Variants in MACROD2 observed in about 807,000 individuals in gnomAD.
MACROD2 encodes the protein mono-ADP ribosylhydrolase 2, also known as ADP-ribose glycohydrolase MACROD2.
MACROD2 carries 36 observed loss-of-function variants against 70.4 expected under a neutral mutation model. The ratio of observed to expected loss-of-function variants is 0.51; its 90% CI spans 0.39 to 0.68. The LOEUF (loss-of-function observed/expected upper bound fraction) is 0.68. Among genes scored for constraint, MACROD2 ranks in the 30% least tolerant of loss-of-function variants. The pLI is 0.00. For missense variants in MACROD2, 496 were observed against 538.4 expected, an observed-to-expected ratio of 0.92 and a Z score of 0.78; for synonymous variants, 172 against 178.8, an observed-to-expected ratio of 0.96 and a Z score of 0.30.
chr20:14,445,581 T>A (rs1265395290), intron 3 of MACROD2, among the ~76,000 whole-genome samples: 1 of 152,118 alleles, frequency 6.6e-6, no homozygotes, highest in Non-Finnish European at 1.5e-5. Flanking sequence ...TTGTTTATCA[T>A]ACAGTGTAAA....
chr20:14,398,559 T>C (rs569741814), intron 3 of MACROD2, among the ~76,000 whole-genome samples: 1 of 152,288 alleles, frequency 6.6e-6, no homozygotes, highest in South Asian at 2.1e-4. Flanking sequence ...CATTTGTATG[T>C]CTTCTTTTGG....
chr20:14,587,389 A>G (rs1017275092), intron 4 of MACROD2, among the ~76,000 whole-genome samples: 8 of 151,714 alleles, frequency 5.3e-5, no homozygotes, highest in African/African-American at 1.7e-4. Flanking sequence ...CAATTTTTCA[A>G]TGAATTAATT....
At chr20:14,320,849 T>G (rs1006830211) in intron 3 of MACROD2, among the ~76,000 whole-genome samples, 1 of 152,106 alleles carries the variant, frequency 6.6e-6, no homozygotes, top group Non-Finnish European at 1.5e-5. Flanking sequence ...TTCTCGATAA[T>G]TTTGGTCACA....
At chr20:15,090,473 G>T (rs184255612) in intron 5 of MACROD2, among the ~76,000 whole-genome samples, 40 of 152,140 alleles carry the variant, frequency 2.6e-4, no homozygotes, top group African/African-American at 8.9e-4. Flanking sequence ...AGAACAAAAG[G>T]TACACTACAA....
intron 4 of MACROD2, among the ~76,000 whole-genome samples, chr20:14,504,643 C>T (rs955990132): frequency 1.3e-5 from 2 of 152,110 alleles, no homozygotes; most frequent in African/African-American, 2.4e-5. Flanking sequence ...AGAGTTATTT[C>T]CTGGGAATAG....
intron 3 of MACROD2, among the ~76,000 whole-genome samples, chr20:14,339,777 C>T (rs1164614819): frequency 1.3e-5 from 2 of 152,060 alleles, no homozygotes; most frequent in African/African-American, 2.4e-5. Context: ...TTTTTTTCCC[C>T]TTTTAAGCTA....
chr20:15,200,342 C>A (rs1365577768), intron 5 of MACROD2, among the ~76,000 whole-genome samples: 1 of 152,112 alleles, frequency 6.6e-6, no homozygotes, highest in African/African-American at 2.4e-5. Context: ...TTTTTTCAAT[C>A]TGGTTTTCTT....
chr20:15,741,273 T>C (rs1390476534), intron 8 of MACROD2, among the ~76,000 whole-genome samples: 8 of 150,506 alleles, frequency 5.3e-5, no homozygotes, highest in Admixed American at 5.3e-4. Context: ...TTTTTTTTTT[T>C]GTATTTTAGT....
At chr20:14,450,071 A>T (rs1413673778) in intron 3 of MACROD2, among the ~76,000 whole-genome samples, 1 of 152,122 alleles carries the variant, frequency 6.6e-6, no homozygotes, top group Non-Finnish European at 1.5e-5. Context: ...TCACTAAAAA[A>T]TTATAAAAAA....
At chr20:15,078,291 G>A (rs1489476515) in intron 5 of MACROD2, among the ~76,000 whole-genome samples, 1 of 152,090 alleles carries the variant, frequency 6.6e-6, no homozygotes, top group Admixed American at 6.6e-5. Flanking sequence ...TTGCTCCTTG[G>A]AATATCCATA....
At chr20:14,576,310 A>G (rs934731856) in intron 4 of MACROD2, among the ~76,000 whole-genome samples, 1 of 152,194 alleles carries the variant, frequency 6.6e-6, no homozygotes, top group African/African-American at 2.4e-5. Context: ...TTCATGGATG[A>G]TTAAAGACAA....
chr20:15,785,871 G>A (rs941782627), intron 8 of MACROD2, among the ~76,000 whole-genome samples: 1 of 151,964 alleles, frequency 6.6e-6, no homozygotes, highest in East Asian at 1.9e-4. Context: ...AAGAATAAAA[G>A]CAAAATTAAG....
intron 5 of MACROD2, among the ~76,000 whole-genome samples, chr20:14,901,821 A>G (rs2073898182): frequency 6.6e-6 from 1 of 152,094 alleles, no homozygotes; most frequent in Admixed American, 6.6e-5. Context: ...TTGAAAATCT[A>G]AGGTTCTTTA....
chr20:14,240,909 T>C (rs59177765), intron 3 of MACROD2, among the ~76,000 whole-genome samples: 30,582 of 152,096 alleles, frequency 0.2, 3,379 homozygotes, highest in South Asian at 0.32. Flanking sequence ...GGTGGGTGGA[T>C]CATGAGGTCA....
At chr20:15,026,418 A>G (rs17355423) in intron 5 of MACROD2, among the ~76,000 whole-genome samples, 16,827 of 151,966 alleles carry the variant, frequency 0.11, 1,258 homozygotes, top group Non-Finnish European at 0.16. Flanking sequence ...TTACACTATC[A>G]TCTTGTTACT....
intron 3 of MACROD2, among the ~76,000 whole-genome samples, chr20:14,259,973 TTG>T (rs1015692748): frequency 6.6e-6 from 1 of 152,210 alleles, no homozygotes; most frequent in African/African-American, 2.4e-5. Context: ...CTAAAAGTGG[TTG>T]GGGACAAGTG....
chr20:16,003,833 G>A (rs2066749324), intron 15 of MACROD2, among the ~76,000 whole-genome samples: 2 of 152,204 alleles, frequency 1.3e-5, no homozygotes, highest in South Asian at 4.2e-4. Context: ...ACCACGCCCG[G>A]CTAATTTTTG....
intron 5 of MACROD2, among the ~76,000 whole-genome samples, chr20:14,955,213 A>G (rs1210611372): frequency 7.5e-6 from 1 of 132,956 alleles, no homozygotes; most frequent in Non-Finnish European, 1.6e-5. Context: ...TTTACATAAT[A>G]TAATTTATAT....
At chr20:15,520,837 A>G (rs1310644112) in intron 8 of MACROD2, among the ~76,000 whole-genome samples, 1 of 152,258 alleles carries the variant, frequency 6.6e-6, no homozygotes, top group Non-Finnish European at 1.5e-5. Flanking sequence ...CTGTGCCTTA[A>G]CAACATCCAC....
Sources: allele counts gnomAD v4.1 joint callset (sites outside exome capture counted in the v4.1 genomes callset), GRCh38; gene constraint gnomAD v4.1.1; transcripts MANE v1.5; gene names NCBI Gene and HGNC (gene_info 2026-07-23, HGNC 2026-07-21).